The following SLC25A16 variants were observed in gnomAD, a reference collection of about 807,000 sequenced individuals.
SLC25A16 encodes the protein mitochondrial coenzyme A transporter SLC25A16.
SLC25A16 carries 39 observed loss-of-function variants against 41.5 expected under a neutral mutation model. The ratio of observed to expected loss-of-function variants is 0.94; its 90% CI spans 0.73 to 1.23. SLC25A16 has a LOEUF of 1.23. SLC25A16 is among the 50% of genes most tolerant of loss of function. SLC25A16 has a pLI of 0.00. For synonymous variants in SLC25A16, 146 were observed against 147.8 expected (o/e 0.99, Z 0.09); for missense variants, 421 against 426.9 (o/e 0.99, Z 0.12).
At chr10:68,523,744 G>A (rs1313427765) in intron 1 of SLC25A16, among the ~76,000 whole-genome samples, 1 of 151,938 alleles carries the variant, frequency 6.6e-6, no homozygotes, top group African/African-American at 2.4e-5. Flanking sequence ...TGAAGTGCTG[G>A]GATTACAGGT....
intron 4 of SLC25A16, among the ~76,000 whole-genome samples, chr10:68,499,230 G>A (rs1416542505): frequency 1.3e-5 from 2 of 152,144 alleles, no homozygotes; most frequent in African/African-American, 2.4e-5. Context: ...GAGTAACGGA[G>A]GCCAGGCAGG....
chr10:68,483,443 GAA>G lies in SLC25A16; in HGVS notation c.986_987del (p.Phe329SerfsTer21). 1 of 1,583,376 alleles carries G rather than the reference GAA, an allele frequency of 6.3e-7. No individual in the cohort carries two copies. The highest frequency in any genetic ancestry group is 8.6e-7 in the Non-Finnish European group (1 of 1,168,070). On this transcript the variant is annotated frameshift_variant, in exon 9 of 9. Transcript: ENST00000609923. LOFTEE classifies it high-confidence loss of function. ...FTTYELMKQF[F>X]HLN ...ACCATAATTTTTTTTTAGTTGAGGT[GAA>G]AAAACTGCTTCATAAGTTCGTATGT... is the stretch of plus-strand genomic sequence containing the variant.
At chr10:68,488,093 A>C (rs1233336159) in intron 7 of SLC25A16, among the ~76,000 whole-genome samples, 32 of 151,906 alleles carry the variant, frequency 2.1e-4, no homozygotes, top group Non-Finnish European at 2.9e-5. Flanking sequence ...CTTGTGATCC[A>C]CCCGCCTAAG....
At chr10:68,485,592 C>T (rs887997215) in intron 8 of SLC25A16, among the ~76,000 whole-genome samples, 1 of 151,580 alleles carries the variant, frequency 6.6e-6, no homozygotes, top group Non-Finnish European at 1.5e-5. Flanking sequence ...ACCATCTTGG[C>T]CAGGTTGGTC....
intron 4 of SLC25A16, chr10:68,503,099 C>T (rs1564918913): frequency 6.6e-6 from 1 of 152,088 alleles, no homozygotes; most frequent in Non-Finnish European, 1.5e-5. Flanking sequence ...TTACTTTAGT[C>T]ATTATAATTC....
At chr10:68,483,871 C>T (rs558991265) in intron 8 of SLC25A16, among the ~76,000 whole-genome samples, 78 of 152,160 alleles carry the variant, frequency 5.1e-4, no homozygotes, top group Non-Finnish European at 9.6e-4. Context: ...TCCATGTTGC[C>T]CAGGCCAGTC....
rs746939577 is a variant in SLC25A16 at position 68,506,645 on chromosome 10, C to G, written c.297G>C (p.Met99Ile). 6.9e-6 allele frequency: 11 copies of G among 1,603,962 alleles called. No homozygotes were observed. The highest frequency in any genetic ancestry group is 1.3e-5 in the African/African-American group (1 of 74,628). The stretch of plus-strand genomic sequence containing the variant: ...CACCATAGGGAAAGATTCGAATCAT[C>G]ATTGCACCATTTCCTTTATACAATC... ...FLGLYKGNGA[M>I]MIRIFPYGAI... Residue 99 changes from methionine to isoleucine, a missense_variant, in exon 3 of 9, where the codon ATG becomes ATC. Physicochemically the swap from Met to Ile is conservative, Grantham distance 10. Transcript: ENST00000609923.
chr10:68,526,086 G>A (rs1344622987), intron 1 of SLC25A16, among the ~76,000 whole-genome samples: 2 of 151,900 alleles, frequency 1.3e-5, no homozygotes, highest in South Asian at 2.1e-4. Flanking sequence ...CCCGACACCC[G>A]TAAAGGGTCT....
chr10:68,488,828 CACTGAAGTTT>C (rs2052608471), intron 6 of SLC25A16, among the ~76,000 whole-genome samples, 199 bp from the exon 7 acceptor site: 1 of 151,988 alleles, frequency 6.6e-6, no homozygotes. Flanking sequence ...TTTCATGCAC[CACTGAAGTTT>C]ACTGCACTGA....
intron 2 of SLC25A16, among the ~76,000 whole-genome samples, chr10:68,507,542 C>A (rs1289027678): frequency 6.6e-6 from 1 of 152,038 alleles, no homozygotes; most frequent in East Asian, 1.9e-4. Flanking sequence ...TATTAGGACA[C>A]TTTAGGAATA....
chr10:68,526,791 T>TA, intron 1 of SLC25A16, among the ~76,000 whole-genome samples: 1 of 152,230 alleles, frequency 6.6e-6, no homozygotes, highest in South Asian at 2.1e-4. Flanking sequence ...CAGTTTTGGC[T>TA]GTAGACAGTT....
At chr10:68,508,885 G>A (rs370171964) in intron 2 of SLC25A16, among the ~76,000 whole-genome samples, 6 of 152,090 alleles carry the variant, frequency 3.9e-5, no homozygotes, top group Admixed American at 2.6e-4. Context: ...TAGAAGTATC[G>A]AGGGGGTTTC....
At chr10:68,523,867 G>T (rs1181489189) in intron 1 of SLC25A16, among the ~76,000 whole-genome samples, 2 of 152,158 alleles carry the variant, frequency 1.3e-5, no homozygotes, top group African/African-American at 4.8e-5. Flanking sequence ...GGGAGGCAGA[G>T]GTGAGCAGAT....
intron 1 of SLC25A16, among the ~76,000 whole-genome samples, chr10:68,519,623 G>T (rs1376090277): frequency 6.6e-6 from 1 of 151,022 alleles, no homozygotes; most frequent in East Asian, 2.0e-4. Context: ...ACTGTATAAT[G>T]AATTATTTAG....
chr10:68,509,545 T>C (rs1245558531), intron 2 of SLC25A16, among the ~76,000 whole-genome samples: 1 of 151,470 alleles, frequency 6.6e-6, no homozygotes, highest in Non-Finnish European at 1.5e-5. Context: ...TGAGACACCA[T>C]CTCTACAAAA....
At chr10:68,495,427 T>C (rs920362753) in intron 4 of SLC25A16, among the ~76,000 whole-genome samples, 2 of 150,374 alleles carry the variant, frequency 1.3e-5, no homozygotes, top group South Asian at 2.1e-4. Flanking sequence ...AAAATAATAA[T>C]AATAAACTAT....
intron 8 of SLC25A16, among the ~76,000 whole-genome samples, chr10:68,486,290 T>C (rs1246468524): frequency 6.6e-6 from 1 of 150,922 alleles, no homozygotes; most frequent in African/African-American, 2.4e-5. Flanking sequence ...AGACAAGGTC[T>C]CACTGTGTTG....
intron 4 of SLC25A16, chr10:68,500,111 G>A (rs2052815803): frequency 5.5e-6 from 1 of 180,300 alleles, no homozygotes; most frequent in Non-Finnish European, 1.2e-5. Flanking sequence ...GAGGGACAGG[G>A]AAAAGTTTTT....
At chr10:68,506,513 C>A in intron 3 of SLC25A16, 72 bp downstream of exon 3, 1 of 1,021,482 alleles carries the variant, frequency 9.8e-7, no homozygotes, top group Non-Finnish European at 1.4e-6. Context: ...TTTTAAATGT[C>A]CAAAGCAAAT....
Sources: gnomAD v4.1 joint callset for allele counts (sites outside exome capture counted in the v4.1 genomes callset) on GRCh38, gnomAD v4.1.1 for gene constraint, MANE v1.5 for transcripts, NCBI Gene and HGNC (gene_info 2026-07-23, HGNC 2026-07-21) for gene names.